The following FGF13 variants were observed in gnomAD, a reference collection of about 807,000 sequenced individuals.
The protein encoded by FGF13 is fibroblast growth factor homologous factor 2.
Under a neutral mutation model 19.5 loss-of-function variants are expected in FGF13, and 2 were observed. The ratio of observed to expected loss-of-function variants is 0.10; its 90% confidence interval spans 0.04 to 0.32. The LOEUF is 0.32. Among genes scored for constraint, FGF13 ranks in the 10% least tolerant of loss-of-function variants. The probability of loss-of-function intolerance (pLI) is 1.00; values close to 1 mark genes in which losing one functional copy is unlikely to be tolerated. For synonymous variants in FGF13, 72 were observed against 76.9 expected, an observed-to-expected ratio of 0.94 and a Z score of 0.33; for missense variants, 113 against 192.7, an observed-to-expected ratio of 0.59 and a Z score of 2.45.
At chrX:138,851,071 G>A (rs140606226) in intron 3 of FGF13, among the ~76,000 whole-genome samples, 9 of 111,362 alleles carry the variant, frequency 8.1e-5, no homozygotes, top group African/African-American at 6.5e-5. Flanking sequence ...ACATGATCTC[G>A]TTCCTTTTTA....
At chrX:138,806,799 GA>G (rs2090871654) in intron 3 of FGF13, 1 of 111,198 alleles carries the variant, frequency 9.0e-6, no homozygotes, top group Non-Finnish European at 1.9e-5. Flanking sequence ...ATCTGGGGAG[GA>G]AAACTAGATC....
chrX:139,136,323 T>A (rs1260861214), intron 1 of FGF13, among the ~76,000 whole-genome samples: 1 of 111,153 alleles, frequency 9.0e-6, no homozygotes, highest in East Asian at 2.8e-4. Context: ...ACACTGTAAC[T>A]AATGTATAGT....
At chrX:138,882,278 C>T (rs937327410) in intron 1 of FGF13, among the ~76,000 whole-genome samples, 1 of 110,857 alleles carries the variant, frequency 9.0e-6, no homozygotes, top group Non-Finnish European at 1.9e-5. Context: ...ACTTCTGAGA[C>T]TTATTTTGTA....
intron 1 of FGF13, among the ~76,000 whole-genome samples, chrX:138,892,011 T>TGTGC (rs1272970219): frequency 1.2e-4 from 13 of 107,164 alleles, no homozygotes; most frequent in African/African-American, 4.5e-4. Flanking sequence ...TATGTGTGTG[T>TGTGC]GTGTGTGTGT....
downstream of FGF13, among the ~76,000 whole-genome samples, chrX:138,856,332 T>G (rs1437123776): frequency 9.0e-6 from 1 of 111,706 alleles, no homozygotes; most frequent in Non-Finnish European, 1.9e-5. Flanking sequence ...TCTTAAACTC[T>G]ATTTGGAAAG....
intron 3 of FGF13, among the ~76,000 whole-genome samples, chrX:138,667,322 C>T (rs754986940): frequency 1.8e-5 from 2 of 108,401 alleles, no homozygotes; most frequent in South Asian, 3.9e-4. Context: ...GAGATATACA[C>T]GAATTCCAGC....
intron 3 of FGF13, among the ~76,000 whole-genome samples, chrX:138,756,854 A>G (rs2090434576): frequency 9.0e-6 from 1 of 111,336 alleles, no homozygotes; most frequent in Admixed American, 9.5e-5. Context: ...GGTGATGTCC[A>G]CTATATACTC....
chrX:138,974,834 A>G (rs963448882), intron 1 of FGF13, among the ~76,000 whole-genome samples: 6 of 112,701 alleles, frequency 5.3e-5, no homozygotes, highest in Non-Finnish European at 9.4e-5. Context: ...AGCAATGGAG[A>G]AGACACAGAG....
At chrX:138,912,075 G>A (rs1245110447) in intron 1 of FGF13, among the ~76,000 whole-genome samples, 1 of 111,046 alleles carries the variant, frequency 9.0e-6, no homozygotes, top group African/African-American at 3.3e-5. Context: ...GTTTGGAGTT[G>A]AAATAAAAAA....
intron 1 of FGF13, among the ~76,000 whole-genome samples, chrX:139,106,458 G>C (rs1265984392): frequency 8.9e-6 from 1 of 112,182 alleles, no homozygotes; most frequent in Non-Finnish European, 1.9e-5. Context: ...CAGGAGCCCA[G>C]AGTTTTGCAA....
At chrX:138,815,287 A>G (rs2090953912) in intron 3 of FGF13, among the ~76,000 whole-genome samples, 1 of 111,070 alleles carries the variant, frequency 9.0e-6, no homozygotes, top group Admixed American at 9.7e-5. Context: ...AGTTAATAAT[A>G]CTACATTGTA....
chrX:139,079,209 A>G (rs1399620552), intron 1 of FGF13, among the ~76,000 whole-genome samples: 1 of 111,418 alleles, frequency 9.0e-6, no homozygotes, highest in Admixed American at 9.6e-5. Flanking sequence ...AGCAGAAAGC[A>G]TACCCTATTT....
intron 1 of FGF13, among the ~76,000 whole-genome samples, chrX:139,019,308 C>A (rs1473222168): frequency 2.7e-5 from 3 of 111,151 alleles, no homozygotes; most frequent in Non-Finnish European, 5.7e-5. Flanking sequence ...AAAGATACGG[C>A]ATGGTTTTGT....
At chrX:138,866,471 TAAG>T (rs999846177) in intron 1 of FGF13, among the ~76,000 whole-genome samples, 2 of 112,202 alleles carry the variant, frequency 1.8e-5, no homozygotes, top group African/African-American at 3.2e-5. Context: ...TCTCCTCTCT[TAAG>T]AAGAAGGTTT....
At chrX:139,128,297 T>C (rs2083732530) in intron 1 of FGF13, among the ~76,000 whole-genome samples, 1 of 111,707 alleles carries the variant, frequency 9.0e-6, no homozygotes, top group African/African-American at 3.3e-5. Context: ...CCTGGATACC[T>C]ATCTTATTCT....
chrX:138,673,061 C>A (rs142353862), intron 3 of FGF13, among the ~76,000 whole-genome samples: 37 of 110,247 alleles, frequency 3.4e-4, no homozygotes, highest in African/African-American at 1.2e-3. Context: ...TAGAATAATG[C>A]GGGGAGGGGT....
At chrX:138,733,630 G>A (rs2090249982) in intron 1 of FGF13, among the ~76,000 whole-genome samples, 1 of 111,202 alleles carries the variant, frequency 9.0e-6, no homozygotes, top group African/African-American at 3.3e-5. Flanking sequence ...GTTCCCCTCA[G>A]TATTAAAATG....
At chrX:138,790,071 CAA>C (rs1486478675) in intron 3 of FGF13, among the ~76,000 whole-genome samples, 3 of 66,921 alleles carry the variant, frequency 4.5e-5, no homozygotes, top group Non-Finnish European at 8.5e-5. Context: ...AAAAAAAAAA[CAA>C]ACACACACAC....
chrX:138,680,502 T>G (rs1245753360), intron 3 of FGF13, among the ~76,000 whole-genome samples: 4 of 111,875 alleles, frequency 3.6e-5, no homozygotes, highest in Admixed American at 2.9e-4. Flanking sequence ...AACTTTAATC[T>G]CTTTGTACAT....
Sources: allele counts gnomAD v4.1 joint callset (sites outside exome capture counted in the v4.1 genomes callset), GRCh38; gene constraint gnomAD v4.1.1; transcripts MANE v1.5; gene names NCBI Gene and HGNC (gene_info 2026-07-23, HGNC 2026-07-21).